Variants in DTD1 observed in about 807,000 individuals in gnomAD.
The protein encoded by DTD1 is D-tyrosyl-tRNA deacylase 1 homolog.
In DTD1, 13 loss-of-function variants were observed where a neutral mutation model predicts 25.6. The observed-to-expected ratio is 0.51, with a 90% CI of 0.33 to 0.81. DTD1 has a LOEUF of 0.81. Ranked by LOEUF, DTD1 falls within the 30% of genes least tolerant of loss-of-function variation. The pLI is 0.02. For synonymous variants in DTD1, 110 were observed against 103.6 expected (o/e 1.06, Z -0.37); for missense variants, 193 against 266.4 (o/e 0.72, Z 1.92).
At chr20:18,708,207 T>TAAATATATATTATATATATATTATATATA (rs1371286340) in intron 4 of DTD1, among the ~76,000 whole-genome samples, 1 of 6,866 alleles carries the variant, frequency 1.5e-4, no homozygotes, top group Non-Finnish European at 6.6e-4. Context: ...ATATATATAT[T>TAAATATATATTATATATATATTATATATA]TTATATATAT....
At chr20:18,678,408 T>A (rs1018150050) in intron 4 of DTD1, among the ~76,000 whole-genome samples, 8 of 152,210 alleles carry the variant, frequency 5.3e-5, no homozygotes, top group African/African-American at 1.9e-4. Flanking sequence ...CTTGCATCTT[T>A]CTAGGTTAGC....
In DTD1 at chr20:18,618,672, T is replaced by C. The variant is rs964550454; in HGVS notation, c.371-9455T>C. Among the ~76,000 whole-genome samples, 10 of 130,564 alleles carry C rather than the reference T, an allele frequency of 7.7e-5. No individual in the cohort carries two copies. The East Asian group carries it at 8.9e-4, about 12-fold the overall frequency. 85.7% of individuals were successfully genotyped at this position (130,564 alleles called of 152,430 possible). On this transcript the variant is annotated intron_variant, in intron 3 of 5. Transcript: ENST00000377452. ...ATATGTGTATATATACATAATTTTA[T>C]ACACACACACACACACACACACACA...
intron 4 of DTD1, among the ~76,000 whole-genome samples, chr20:18,685,435 A>G (rs2061012756): frequency 1.3e-5 from 2 of 152,112 alleles, no homozygotes; most frequent in Non-Finnish European, 2.9e-5. Context: ...TCTGCCTTGG[A>G]CCTGTGGCCA....
At chr20:18,620,588 CT>C (rs1427083069) in intron 3 of DTD1, among the ~76,000 whole-genome samples, 2 of 151,824 alleles carry the variant, frequency 1.3e-5, no homozygotes, top group Non-Finnish European at 2.9e-5. Context: ...GGCTGACTTT[CT>C]TTTTTTCTTT....
chr20:18,680,368 T>A (rs75825959), intron 4 of DTD1, among the ~76,000 whole-genome samples: 42 of 150,744 alleles, frequency 2.8e-4, no homozygotes, highest in East Asian at 9.8e-4. Context: ...TTTTTTTTTT[T>A]AATTTTGTAG....
intron 4 of DTD1, among the ~76,000 whole-genome samples, chr20:18,697,302 A>C (rs1190402111): frequency 1.3e-5 from 2 of 152,188 alleles, no homozygotes; most frequent in East Asian, 3.9e-4. Flanking sequence ...CAATGTGCTT[A>C]ATACAACTAT....
rs1386390154 is a variant in DTD1, at chr20:18,739,897, T to C, written c.478-4203T>C. On this transcript the variant is annotated intron_variant, in intron 4 of 5. Transcript: ENST00000377452. ...AACTTGAGTTTGCGGCATGGAGCCA[T>C]ATGTGGTTGGGTTGTTTTAAGATAA... Among the ~76,000 whole-genome samples, 7 of 152,252 alleles carry C rather than the reference T, an allele frequency of 4.6e-5. No homozygotes were observed. The East Asian group carries it at 1.4e-3, about 29-fold the overall frequency.
intron 4 of DTD1, among the ~76,000 whole-genome samples, chr20:18,648,371 C>A (rs779686571): frequency 4.6e-5 from 7 of 152,134 alleles, no homozygotes; most frequent in Non-Finnish European, 1.0e-4. Flanking sequence ...GGGATGGGAC[C>A]AGAGATGGTT....
chr20:18,730,448 A>G (rs1179421759), intron 4 of DTD1, among the ~76,000 whole-genome samples: 1 of 151,990 alleles, frequency 6.6e-6, no homozygotes, highest in Admixed American at 6.6e-5. Flanking sequence ...CTTTCCTCAA[A>G]CCCTTGCAAA....
chr20:18,651,195 CGGCTAGAGTACAGT>C (rs1291202321), intron 4 of DTD1, among the ~76,000 whole-genome samples: 5 of 152,164 alleles, frequency 3.3e-5, no homozygotes, highest in African/African-American at 9.7e-5. Flanking sequence ...TCTGTTATGC[CGGCTAGAGTACAGT>C]GGTGTGATCT....
At chr20:18,677,908 G>C (rs994532558) in intron 4 of DTD1, among the ~76,000 whole-genome samples, 1 of 152,212 alleles carries the variant, frequency 6.6e-6, no homozygotes, top group Non-Finnish European at 1.5e-5. Context: ...CTCCTTAGTG[G>C]ATACACAAGT....
At chr20:18,744,782 T>C (rs184257905) in intron 5 of DTD1, among the ~76,000 whole-genome samples, 21 of 152,164 alleles carry the variant, frequency 1.4e-4, no homozygotes, top group African/African-American at 4.8e-4. Flanking sequence ...TCATCTTGAA[T>C]TGTAGTTCCC....
At chr20:18,665,574 G>T (rs888824842) in intron 4 of DTD1, among the ~76,000 whole-genome samples, 1 of 152,208 alleles carries the variant, frequency 6.6e-6, no homozygotes, top group African/African-American at 2.4e-5. Flanking sequence ...GGTGTCCTGA[G>T]TTACAACTGA....
chr20:18,619,263 G>A (rs6136441), intron 3 of DTD1, among the ~76,000 whole-genome samples: 2 of 152,164 alleles, frequency 1.3e-5, no homozygotes, highest in Admixed American at 1.3e-4. Flanking sequence ...CCTTGCTTAA[G>A]GGACTGTTTG....
At chr20:18,640,394 A>G (rs1354101069) in intron 4 of DTD1, among the ~76,000 whole-genome samples, 2 of 152,130 alleles carry the variant, frequency 1.3e-5, no homozygotes, top group South Asian at 2.1e-4. Flanking sequence ...ATTTTTGACA[A>G]TAACTCTCAT....
chr20:18,729,952 C>G (rs1033772792), intron 4 of DTD1, among the ~76,000 whole-genome samples: 8 of 152,168 alleles, frequency 5.3e-5, no homozygotes, highest in South Asian at 4.2e-4. Flanking sequence ...TTGAGCCCCT[C>G]CTCCAGTGCT....
chr20:18,657,300 T>C (rs1158071114), intron 4 of DTD1, among the ~76,000 whole-genome samples: 1 of 152,186 alleles, frequency 6.6e-6, no homozygotes, highest in Non-Finnish European at 1.5e-5. Flanking sequence ...ATTACTATTT[T>C]TGCATTACTA....
At chr20:18,679,731 A>G (rs2060989501) in intron 4 of DTD1, among the ~76,000 whole-genome samples, 1 of 152,236 alleles carries the variant, frequency 6.6e-6, no homozygotes, top group Admixed American at 6.5e-5. Flanking sequence ...GGTTTATTAA[A>G]GAGACATGAA....
intron 4 of DTD1, among the ~76,000 whole-genome samples, chr20:18,717,981 A>T (rs1299117424): frequency 2.0e-5 from 3 of 152,214 alleles, no homozygotes. Flanking sequence ...AATGTAGCTA[A>T]AAGATGGGCT....
Sources: allele counts gnomAD v4.1 joint callset (sites outside exome capture counted in the v4.1 genomes callset), GRCh38; gene constraint gnomAD v4.1.1; transcripts MANE v1.5; gene names NCBI Gene and HGNC (gene_info 2026-07-23, HGNC 2026-07-21).